The following PLAG1 variants were observed in gnomAD, a reference collection of about 807,000 sequenced individuals.
PLAG1 encodes PLAG1 zinc finger.
Under a neutral mutation model 35.5 loss-of-function variants are expected in PLAG1, and 7 were observed. The ratio of observed to expected loss-of-function variants is 0.20; its 90% CI spans 0.11 to 0.37. The LOEUF is 0.37. Among genes scored for constraint, PLAG1 ranks in the 10% least tolerant of loss-of-function variants. The probability of loss-of-function intolerance (pLI) is 1.00; values close to 1 mark genes in which losing one functional copy is unlikely to be tolerated. For missense variants in PLAG1, 454 were observed against 602.8 expected (o/e 0.75, Z 2.58); for synonymous variants, 229 against 225.4 (o/e 1.02, Z -0.14).
chr8:56,197,699 G>C (rs962542118), intron 1 of PLAG1, among the ~76,000 whole-genome samples: 4 of 152,142 alleles, frequency 2.6e-5, no homozygotes, highest in African/African-American at 7.2e-5. Context: ...CCCTGCTCTG[G>C]GTATTCTGGG....
intron 1 of PLAG1, among the ~76,000 whole-genome samples, chr8:56,202,514 T>G (rs1812583310): frequency 6.6e-6 from 1 of 152,222 alleles, no homozygotes; most frequent in Admixed American, 6.5e-5. Flanking sequence ...TTGGCTTCAA[T>G]TAAAAAATTT....
chr8:56,176,112 C>T, intron 2 of PLAG1, among the ~76,000 whole-genome samples: 1 of 146,888 alleles, frequency 6.8e-6, no homozygotes, highest in Non-Finnish European at 1.5e-5. Context: ...TACAGTGGTG[C>T]AATCTCGGCT....
chr8:56,170,229 C>T (rs984827953), intron 3 of PLAG1, among the ~76,000 whole-genome samples: 11 of 152,310 alleles, frequency 7.2e-5, no homozygotes, highest in Admixed American at 3.3e-4. Context: ...GCTATTCAAA[C>T]GGTCTAAAAA....
chr8:56,181,538 A>T (rs1811863674), intron 1 of PLAG1, among the ~76,000 whole-genome samples: 3 of 136,826 alleles, frequency 2.2e-5, no homozygotes. Context: ...GGACACAGGG[A>T]GGGGAACATC....
chr8:56,207,145 A>C (rs1399641223), intron 1 of PLAG1, among the ~76,000 whole-genome samples: 5 of 151,938 alleles, frequency 3.3e-5, no homozygotes, highest in Non-Finnish European at 7.4e-5. Context: ...CTAAAGAAAA[A>C]ATATTAAAAC....
Position 56,162,136 on chromosome 8 carries a change from G to A in PLAG1, c.*4107C>T, listed in dbSNP as rs1585767337. 1.8e-5 allele frequency: 4 copies of A among 227,972 alleles called. No homozygotes were observed. The highest frequency in any genetic ancestry group is 2.7e-3 in the Middle Eastern group (2 of 752). 14.1% of individuals were successfully genotyped at this position (227,972 alleles called of 1,614,324 possible). ...ATGTGATCACAACAGACTTATCTGT[G>A]TTGTAGACATGGCTGCTGACACAGT... is the stretch of plus-strand genomic sequence containing the variant. On this transcript the variant is annotated 3_prime_UTR_variant, in exon 5 of 5. Transcript: ENST00000316981.
At chr8:56,172,189 A>C (rs1811549120) in intron 2 of PLAG1, among the ~76,000 whole-genome samples, 1 of 152,236 alleles carries the variant, frequency 6.6e-6, no homozygotes, top group Non-Finnish European at 1.5e-5. Context: ...ATCCCCTGTA[A>C]TAAAACTTTC....
intron 1 of PLAG1, among the ~76,000 whole-genome samples, chr8:56,202,028 G>GT (rs1163750634): frequency 3.8e-5 from 5 of 130,910 alleles, no homozygotes; most frequent in Non-Finnish European, 8.2e-5. Flanking sequence ...AAAAAATTTT[G>GT]TAACATCTCA....
intron 1 of PLAG1, among the ~76,000 whole-genome samples, chr8:56,187,846 T>C (rs1276380505): frequency 6.6e-6 from 1 of 152,184 alleles, no homozygotes; most frequent in South Asian, 2.1e-4. Flanking sequence ...GTACCTTAAA[T>C]TTTATGGTGG....
At position 56,188,959 on chromosome 8, in the gene PLAG1, A is replaced by G. The variant is rs141762603; in HGVS notation, c.-321-9446T>C. Reference sequence around the variant, plus strand: ...ACTCCAGAAGTAACAAAAAACAGCAAGGAAACTCTTGGTTCTGTCTGCAAT... The same window carrying G: ...ACTCCAGAAGTAACAAAAAACAGCAGGGAAACTCTTGGTTCTGTCTGCAAT... On this transcript the variant is annotated intron_variant, in intron 1 of 4. Coordinates refer to ENST00000316981, the MANE Select transcript of PLAG1 (RefSeq NM_002655.3). Among the ~76,000 whole-genome samples the G allele has an allele frequency of 8.3e-4, 126 of 152,366 alleles. 1 individual carries two copies. Among genetic ancestry groups the G allele is most frequent in the African/African-American group, 2.9e-3 (119 of 41,596 alleles).
Position 56,167,407 on chromosome 8 carries a change from T to G in PLAG1, c.339A>C (p.Thr113=). The G allele has an allele frequency of 6.2e-7, 1 of 1,613,558 alleles. No homozygotes were observed. Among genetic ancestry groups the G allele is most frequent in the Non-Finnish European group, 8.5e-7 (1 of 1,179,608 alleles). ...RKDHLKNHLH[T]HDPNKETFKC... ...TAAACGTCTCTTTGTTAGGGTCGTG[T>G]GTATGGAGGTGATTCTTCAGATGAT... Residue 113 remains threonine, a synonymous_variant, in exon 5 of 5, where the codon ACA becomes ACC. Coordinates refer to ENST00000316981, the MANE Select transcript of PLAG1 (RefSeq NM_002655.3). The surrounding 1 kb of genome is among the most constrained non-coding windows in gnomAD (Gnocchi z 5.9).
rs1811248843 is a variant in PLAG1 at position 56,162,956 on chromosome 8, C to T, written c.*3287G>A. ...GCACACAGAGTGATGCATAATCAGC[C>T]AGGACAATTGAAGTTTTAAAAAACT... is the stretch of plus-strand genomic sequence containing the variant. On this transcript the variant is annotated 3_prime_UTR_variant, in exon 5 of 5. Transcript: ENST00000316981. 4.7e-6 allele frequency: 1 copy of T among 213,728 alleles called. No individual in the cohort carries two copies. The highest frequency in any genetic ancestry group is 7.0e-5 in the East Asian group (1 of 14,380). 13.2% of individuals were successfully genotyped at this position (213,728 alleles called of 1,614,324 possible). A position where few individuals can be genotyped will look rare whatever the true frequency, so the allele number is the denominator to read the frequency against.
chr8:56,177,226 T>C (rs1016817639), intron 2 of PLAG1, among the ~76,000 whole-genome samples: 1 of 152,198 alleles, frequency 6.6e-6, no homozygotes, highest in African/African-American at 2.4e-5. Context: ...GAAAACAGAA[T>C]TCATGGCCTG....
intron 1 of PLAG1, among the ~76,000 whole-genome samples, chr8:56,195,313 T>C (rs2129232358): frequency 6.6e-6 from 1 of 152,316 alleles, no homozygotes; most frequent in African/African-American, 2.4e-5. Flanking sequence ...ATCAAGACAA[T>C]ACCCATGTTA....
rs369637375 is a variant in PLAG1 at position 56,168,019 on chromosome 8, G to A, written c.242+9C>T. The A allele has an allele frequency of 7.1e-7, 1 of 1,411,232 alleles. No homozygotes were observed. The highest frequency in any genetic ancestry group is 9.9e-7 in the Non-Finnish European group (1 of 1,008,148). The allele number at this position is 1,411,232 out of a possible 1,614,324, so 87.4% of individuals were successfully genotyped here. ...AAATATAATCTGAAAGACAAATAGA[G>A]TTTAATACCTTTGTAATTTGTACTT... is the stretch of plus-strand genomic sequence containing the variant. On this transcript the variant is annotated intron_variant, in intron 4 of 4. Transcript: ENST00000316981.
At chr8:56,182,930 T>C (rs1811914736) in intron 1 of PLAG1, among the ~76,000 whole-genome samples, 1 of 152,186 alleles carries the variant, frequency 6.6e-6, no homozygotes, top group African/African-American at 2.4e-5. Flanking sequence ...GGGAGGTATG[T>C]TCATCCTGCT....
chr8:56,167,257 T>C lies in PLAG1; in HGVS notation c.489A>G (p.Gly163=), dbSNP rs1811386891. ...KVCLQTFEST[G]VLLEHLKSHA... is the part of the protein sequence containing the mutation. The stretch of plus-strand genomic sequence containing the variant: ...GAGATTTAAGGTGCTCCAGAAGCAC[T>C]CCCGTGCTTTCAAAAGTTTGCAAAC... Residue 163 remains glycine (G), a synonymous_variant, in exon 5 of 5, where the codon GGA becomes GGG. Transcript: ENST00000316981. The surrounding 1 kb of genome is among the most constrained non-coding windows in gnomAD (Gnocchi z 5.9). 1 of 1,614,028 alleles carries C rather than the reference T, an allele frequency of 6.2e-7. No homozygotes were observed. Among genetic ancestry groups the C allele is most frequent in the East Asian group, 2.2e-5 (1 of 44,882 alleles).
rs182362754 is a variant in PLAG1 at position 56,210,032 on chromosome 8, G to C, written c.-322+1089C>G. Among the ~76,000 whole-genome samples the C allele has an allele frequency of 2.0e-5, 3 of 152,242 alleles. No homozygotes were observed. In the East Asian group the frequency reaches 5.8e-4, roughly 29 times the overall value. ...TGAGATCAGTCCACATTACCAATAA[G>C]TTTAGCAGTTTCTGCACTACCACCT... On this transcript the variant is annotated intron_variant, in intron 1 of 4. Coordinates refer to ENST00000316981, the MANE Select transcript of PLAG1 (RefSeq NM_002655.3).
intron 2 of PLAG1, among the ~76,000 whole-genome samples, chr8:56,174,070 TAA>T (rs1811618917): frequency 6.6e-6 from 1 of 152,328 alleles, no homozygotes; most frequent in South Asian, 2.1e-4. Context: ...ATTTCATATT[TAA>T]AAGTCAAACA....
Sources: allele counts gnomAD v4.1 joint callset (sites outside exome capture counted in the v4.1 genomes callset), GRCh38; gene constraint gnomAD v4.1.1; non-coding constraint Gnocchi (gnomAD v3.1); transcripts MANE v1.5; gene names NCBI Gene and HGNC (gene_info 2026-07-23, HGNC 2026-07-21).